The following EPG5 variants were observed in gnomAD, a reference collection of about 807,000 sequenced individuals.
EPG5 encodes the protein ectopic P granules protein 5 homolog.
Under a neutral mutation model 302.7 loss-of-function variants are expected in EPG5, and 159 were observed. The observed-to-expected ratio is 0.53, with a 90% confidence interval of 0.46 to 0.60. The LOEUF (loss-of-function observed/expected upper bound fraction) is 0.60, where lower values mean the gene tolerates loss of function less well. Ranked by LOEUF, EPG5 falls within the 20% of genes least tolerant of loss-of-function variation. EPG5 has a pLI of 0.00. For missense variants in EPG5, 2,896 were observed against 3,092.4 expected (o/e 0.94, Z 1.51); for synonymous variants, 1,158 against 1,136.8 (o/e 1.02, Z -0.37).
intron 29 of EPG5, among the ~76,000 whole-genome samples, chr18:45,886,796 TTA>T (rs2049227990): frequency 2.0e-5 from 3 of 152,148 alleles, no homozygotes; most frequent in African/African-American, 4.8e-5. Flanking sequence ...GTAGCTGGGA[TTA>T]TAGGCACGCA....
intron 43 of EPG5, among the ~76,000 whole-genome samples, chr18:45,853,055 T>C (rs993856587): frequency 6.6e-6 from 1 of 152,216 alleles, no homozygotes; most frequent in Non-Finnish European, 1.5e-5. Flanking sequence ...TGTCCACTCC[T>C]TCCGTTCTAG....
chr18:45,801,596 A>G, the EPG5 span, among the ~76,000 whole-genome samples: 1 of 152,164 alleles, frequency 6.6e-6, no homozygotes, highest in Admixed American at 6.5e-5. Context: ...ATTTGTGACA[A>G]TTGCACAACA....
At chr18:45,889,976 C>T in intron 27 of EPG5, 36 bp from the exon 28 acceptor site, 1 of 1,518,500 alleles carries the variant, frequency 6.6e-7, no homozygotes, top group African/African-American at 1.4e-5. Flanking sequence ...GACATTTCCC[C>T]CCATGTGTCA....
At chr18:45,838,681 G>A in the EPG5 span, 16 of 1,520,324 alleles carry the variant, frequency 1.1e-5, no homozygotes, top group East Asian at 2.4e-4. Flanking sequence ...AAGGGGAGGG[G>A]TGCCCTTGTG....
Position 45,939,606 on chromosome 18 carries a change from G to A in EPG5, c.2093C>T (p.Ala698Val). Residue 698 changes from alanine (A) to valine (V), a missense_variant, in exon 10 of 44, where the codon GCC becomes GTC. Physicochemically the swap from Ala to Val is moderately conservative, Grantham distance 64. Coordinates refer to ENST00000282041, the MANE Select transcript of EPG5 (RefSeq NM_020964.3). ...FLRAVLHVLKAKRLGIWLFMS... is the reference protein window; with the variant it reads ...FLRAVLHVLKVKRLGIWLFMS... ...CATCATATGTCTTACTTACCTTTTG[G>A]CCTTCAGCACATGTAGGACAGCCCT... 1.4e-5 allele frequency: 23 copies of A among 1,613,802 alleles called. No homozygotes were observed. The highest frequency in any genetic ancestry group is 1.9e-5 in the Non-Finnish European group (23 of 1,179,894).
intron 6 of EPG5, 69 bp from the exon 7 acceptor site, chr18:45,946,837 C>G: frequency 8.0e-7 from 1 of 1,245,570 alleles, no homozygotes; most frequent in East Asian, 2.3e-5. Context: ...GGATTCTCTA[C>G]TCACCCTGAA....
At chr18:45,929,809 T>C (rs1330768150) in intron 12 of EPG5, among the ~76,000 whole-genome samples, 2 of 152,224 alleles carry the variant, frequency 1.3e-5, no homozygotes, top group Non-Finnish European at 2.9e-5. Context: ...TATGCATGGT[T>C]ATGAAGTACC....
intron 36 of EPG5, 54 bp from the exon 37 acceptor site, chr18:45,867,802 G>A: frequency 6.9e-7 from 1 of 1,440,170 alleles, no homozygotes; most frequent in Non-Finnish European, 9.5e-7. Flanking sequence ...CTATGTATCT[G>A]GAAAATGTAT....
At chr18:45,930,561 T>C (rs940064686) in intron 12 of EPG5, 115 bp downstream of exon 12, 2 of 756,378 alleles carry the variant, frequency 2.6e-6, no homozygotes, top group African/African-American at 3.6e-5. Context: ...TTCTCTGAAG[T>C]GTAGACAGTA....
At chr18:45,840,017 C>T in the EPG5 span, among the ~76,000 whole-genome samples, 234 of 152,270 alleles carry the variant, frequency 1.5e-3, 3 homozygotes, top group Non-Finnish European at 2.5e-4. Flanking sequence ...TGGATTGCTC[C>T]TCAGTCCACC....
intron 39 of EPG5, among the ~76,000 whole-genome samples, chr18:45,861,302 G>C (rs1039763753): frequency 6.6e-6 from 1 of 152,146 alleles, no homozygotes; most frequent in Non-Finnish European, 1.5e-5. Context: ...ATTTCTATGG[G>C]TACAAATATT....
intron 1 of EPG5, among the ~76,000 whole-genome samples, chr18:45,963,734 T>C (rs1322741515): frequency 6.6e-6 from 1 of 152,214 alleles, no homozygotes; most frequent in Non-Finnish European, 1.5e-5. Flanking sequence ...CCTTAGTCCA[T>C]GCTTTGGACT....
chr18:45,863,111 T>G (rs2048670357), intron 39 of EPG5, among the ~76,000 whole-genome samples: 1 of 152,222 alleles, frequency 6.6e-6, no homozygotes, highest in South Asian at 2.1e-4. Flanking sequence ...GATATTAATA[T>G]AGCTATGCCA....
chr18:45,864,973 C>T (rs1400159516), intron 39 of EPG5, among the ~76,000 whole-genome samples: 3 of 152,282 alleles, frequency 2.0e-5, no homozygotes, highest in South Asian at 2.1e-4. Context: ...GATTATGCAT[C>T]GGATTTCCTT....
intron 10 of EPG5, among the ~76,000 whole-genome samples, chr18:45,938,847 A>G (rs2050596418): frequency 6.6e-6 from 1 of 152,210 alleles, no homozygotes; most frequent in African/African-American, 2.4e-5. Flanking sequence ...AACACAGAAT[A>G]AATCAGGGGC....
intron 27 of EPG5, among the ~76,000 whole-genome samples, chr18:45,896,578 T>C (rs1158685102): frequency 6.6e-6 from 1 of 152,118 alleles, no homozygotes; most frequent in Non-Finnish European, 1.5e-5. Context: ...AGGGTCTCAC[T>C]CTGTTGCCCA....
At chr18:45,941,441 G>A (rs1402100359) in intron 9 of EPG5, among the ~76,000 whole-genome samples, 1 of 152,102 alleles carries the variant, frequency 6.6e-6, no homozygotes, top group Non-Finnish European at 1.5e-5. Context: ...AAGTGAGGAT[G>A]GAGGAATAAA....
At chr18:45,944,567 C>A (rs1363425747) in intron 7 of EPG5, among the ~76,000 whole-genome samples, 3 of 152,134 alleles carry the variant, frequency 2.0e-5, no homozygotes, top group Admixed American at 2.0e-4. Flanking sequence ...GCAGCCTGGG[C>A]AACATGGTGA....
chr18:45,836,427 A>C, the EPG5 span, among the ~76,000 whole-genome samples: 5,983 of 152,090 alleles, frequency 0.039, 373 homozygotes, highest in African/African-American at 0.14. Flanking sequence ...GGGCAGGCTT[A>C]GAAGCCTGCC....
Sources: gnomAD v4.1 joint callset for allele counts (sites outside exome capture counted in the v4.1 genomes callset) on GRCh38, gnomAD v4.1.1 for gene constraint, MANE v1.5 for transcripts, NCBI Gene and HGNC (gene_info 2026-07-23, HGNC 2026-07-21) for gene names.